Variants in KCNB2 observed in about 807,000 individuals in gnomAD.
KCNB2 encodes delayed rectifier potassium channel protein.
In KCNB2, 15 loss-of-function variants were observed where a neutral mutation model predicts 61.5. That is an observed-to-expected ratio of 0.24 (90% CI 0.16 to 0.38). KCNB2 has a LOEUF of 0.38. KCNB2 is among the 10% of genes least tolerant of loss of function. The pLI is 1.00. For synonymous variants in KCNB2, 457 were observed against 446.0 expected (o/e 1.02, Z -0.31); for missense variants, 828 against 1,125.2 (o/e 0.74, Z 3.78).
At chr8:72,920,453 C>CTATATATATATATATATGTGTGTGTGTA in intron 2 of KCNB2, among the ~76,000 whole-genome samples, 1 of 43,118 alleles carries the variant, frequency 2.3e-5, no homozygotes, top group African/African-American at 9.0e-5. Flanking sequence ...ATCTATCTAT[C>CTATATATATATATATATGTGTGTGTGTA]TATCTATCTA....
At chr8:72,586,322 C>T (rs1807000268) in intron 2 of KCNB2, among the ~76,000 whole-genome samples, 5 of 152,230 alleles carry the variant, frequency 3.3e-5, no homozygotes, top group Middle Eastern at 6.8e-3. Flanking sequence ...TTTAGAGTTC[C>T]AGGTGGTAGT....
intron 2 of KCNB2, among the ~76,000 whole-genome samples, chr8:72,725,386 T>A (rs1807615603): frequency 1.3e-5 from 2 of 151,462 alleles, no homozygotes; most frequent in African/African-American, 4.8e-5. Context: ...AAAGTCAAAT[T>A]CAATCTAGCA....
chr8:72,638,600 A>G (rs574494779), intron 2 of KCNB2, among the ~76,000 whole-genome samples: 1 of 152,234 alleles, frequency 6.6e-6, no homozygotes, highest in East Asian at 1.9e-4. Context: ...TAAAGTTGGA[A>G]CTACCATCTA....
At chr8:72,541,625 G>A (rs1806188844) in intron 1 of KCNB2, among the ~76,000 whole-genome samples, 1 of 152,008 alleles carries the variant, frequency 6.6e-6, no homozygotes, top group Non-Finnish European at 1.5e-5. Context: ...AGTACAGGAG[G>A]ATGCTTGAAA....
At chr8:72,679,283 T>C (rs1806712923) in intron 2 of KCNB2, among the ~76,000 whole-genome samples, 1 of 152,230 alleles carries the variant, frequency 6.6e-6, no homozygotes, top group Non-Finnish European at 1.5e-5. Flanking sequence ...TGGACAGTGT[T>C]CTTATGTTCT....
chr8:72,780,196 G>A (rs185808865), intron 2 of KCNB2, among the ~76,000 whole-genome samples: 17 of 152,272 alleles, frequency 1.1e-4, no homozygotes, highest in Non-Finnish European at 2.9e-5. Context: ...ACTTACGACT[G>A]TCTCTGTGCT....
At chr8:72,572,272 C>T (rs765459359) in intron 2 of KCNB2, among the ~76,000 whole-genome samples, 32 of 152,232 alleles carry the variant, frequency 2.1e-4, no homozygotes, top group Admixed American at 4.6e-4. Context: ...ATGTGTGTGC[C>T]GGGCAGTGCC....
chr8:72,737,822 T>C (rs1807875094), intron 2 of KCNB2, among the ~76,000 whole-genome samples: 1 of 152,170 alleles, frequency 6.6e-6, no homozygotes, highest in Admixed American at 6.6e-5. Context: ...ACAGAGCCTT[T>C]AACTCCTAAC....
At chr8:72,766,508 T>A (rs926603283) in intron 2 of KCNB2, among the ~76,000 whole-genome samples, 6 of 152,218 alleles carry the variant, frequency 3.9e-5, no homozygotes, top group Non-Finnish European at 1.5e-5. Context: ...TTAATATATT[T>A]CTTCACATCA....
At chr8:72,924,716 T>G (rs1291031860) in intron 2 of KCNB2, among the ~76,000 whole-genome samples, 2 of 152,142 alleles carry the variant, frequency 1.3e-5, no homozygotes, top group Non-Finnish European at 2.9e-5. Flanking sequence ...TTGGGCCCAT[T>G]CAAATTATGA....
chr8:72,905,794 A>T lies in KCNB2; in HGVS notation c.580-30141A>T, dbSNP rs1806167131. Among the ~76,000 whole-genome samples the T allele has an allele frequency of 2.0e-5, 3 of 152,098 alleles. No homozygotes were observed. The South Asian group carries it at 6.3e-4, about 32-fold the overall frequency. ...TCTGAACCCACCAAGAACGTTGGGG[A>T]AACTGATTATTTCAGTCCATCCAGA... On this transcript the variant is annotated intron_variant, in intron 2 of 2. Coordinates refer to ENST00000523207, the MANE Select transcript of KCNB2 (RefSeq NM_004770.3).
chr8:72,830,008 G>T (rs1399116463), intron 2 of KCNB2, among the ~76,000 whole-genome samples: 2 of 150,256 alleles, frequency 1.3e-5, no homozygotes, highest in African/African-American at 2.4e-5. Context: ...AAGCCAACTA[G>T]GTTTTCCATA....
At position 72,902,779 on chromosome 8, in the gene KCNB2, A is replaced by T. The variant is rs531321094; in HGVS notation, c.580-33156A>T. ...TTTAGTATTCAAGATAGTATTACTG[A>T]CTTGTTCTGTGATTTTGTCTGACAG... On this transcript the variant is annotated intron_variant, in intron 2 of 2. Coordinates refer to ENST00000523207, the MANE Select transcript of KCNB2 (RefSeq NM_004770.3). Among the ~76,000 whole-genome samples the T allele has an allele frequency of 1.1e-4, 17 of 152,278 alleles. No homozygotes were observed. The South Asian group carries it at 3.5e-3, about 32-fold the overall frequency.
chr8:72,883,043 C>T (rs1805743860), intron 2 of KCNB2, among the ~76,000 whole-genome samples: 1 of 152,166 alleles, frequency 6.6e-6, no homozygotes, highest in Admixed American at 6.5e-5. Flanking sequence ...TGATTATTTA[C>T]CCTCCTGGTC....
At chr8:72,820,169 T>C (rs1473007484) in intron 2 of KCNB2, among the ~76,000 whole-genome samples, 1 of 152,180 alleles carries the variant, frequency 6.6e-6, no homozygotes, top group African/African-American at 2.4e-5. Context: ...TTTATTCCAC[T>C]GACTTAGCAC....
At chr8:72,822,489 A>G (rs1163247400) in intron 2 of KCNB2, among the ~76,000 whole-genome samples, 1 of 152,150 alleles carries the variant, frequency 6.6e-6, no homozygotes, top group Non-Finnish European at 1.5e-5. Context: ...TCTTTCATAG[A>G]AAGAAGCAAG....
intron 1 of KCNB2, among the ~76,000 whole-genome samples, chr8:72,561,728 T>TA (rs1563523404): frequency 4.9e-4 from 4 of 8,096 alleles, no homozygotes; most frequent in Admixed American, 1.9e-3. Flanking sequence ...TATATATATA[T>TA]CTATATCTAT....
chr8:72,914,958 G>C (rs955539812), intron 2 of KCNB2, among the ~76,000 whole-genome samples: 3 of 150,224 alleles, frequency 2.0e-5, no homozygotes, highest in African/African-American at 7.4e-5. Context: ...AGGCTGGAGT[G>C]CAGTGGCAGG....
rs573131458 is a variant in KCNB2, at chr8:72,937,802, T to C, written c.2447T>C (p.Leu816Ser). 14 of 1,613,914 alleles carry C rather than the reference T, an allele frequency of 8.7e-6. No individual in the cohort carries two copies. The South Asian group carries it at 1.3e-4, about 15-fold the overall frequency. ...GATACTGGTGACGACGAAGACTTCT[T>C]AGAGCTCCCAGGGGCAAGGGAGGAG... ...EIDTGDDEDF[L>S]ELPGAREEKQ... The change falls in exon 3 of 3, where the codon TTA (leucine) becomes TCA (serine). Residue 816 changes from leucine to serine, a missense_variant. This residue lies in a region of KCNB2 where 559 missense variants were observed against 588.4 expected (regional missense o/e 0.95). Coordinates refer to ENST00000523207, the MANE Select transcript of KCNB2 (RefSeq NM_004770.3).
Sources: gnomAD v4.1 joint callset for allele counts (sites outside exome capture counted in the v4.1 genomes callset) on GRCh38, gnomAD v4.1.1 for gene constraint, gnomAD v4.1.1 regional missense constraint, MANE v1.5 for transcripts, NCBI Gene and HGNC (gene_info 2026-07-23, HGNC 2026-07-21) for gene names.